The following CEP83 variants were observed in gnomAD, a reference collection of about 807,000 sequenced individuals.
The protein encoded by CEP83 is centrosomal protein 83.
A neutral mutation model predicts 101.9 loss-of-function variants in CEP83; 70 were observed. That is an observed-to-expected ratio of 0.69 (90% CI 0.57 to 0.84). The LOEUF is 0.84. Ranked by LOEUF, CEP83 falls within the 40% of genes least tolerant of loss-of-function variation. The probability of loss-of-function intolerance (pLI) is 0.00; values close to 1 mark genes in which losing one functional copy is unlikely to be tolerated. For missense variants in CEP83, 715 were observed against 787.2 expected, an observed-to-expected ratio of 0.91 and a Z score of 1.10; for synonymous variants, 264 against 267.9, an observed-to-expected ratio of 0.99 and a Z score of 0.14.
chr12:94,416,484 G>C (rs1033104140), intron 2 of CEP83, among the ~76,000 whole-genome samples: 1 of 150,020 alleles, frequency 6.7e-6, no homozygotes, highest in South Asian at 2.1e-4. Context: ...CTAGCCAAAG[G>C]AACAAAAAAG....
intron 11 of CEP83, among the ~76,000 whole-genome samples, chr12:94,346,128 CA>C (rs553368971): frequency 5.5e-4 from 83 of 152,248 alleles, no homozygotes; most frequent in African/African-American, 1.9e-3. Flanking sequence ...CGGCTCACTG[CA>C]ACCTCTGCCT....
intron 1 of CEP83, among the ~76,000 whole-genome samples, chr12:94,439,755 C>T (rs2066259863): frequency 6.6e-6 from 1 of 152,084 alleles, no homozygotes; most frequent in Admixed American, 6.6e-5. Flanking sequence ...AAACCACACA[C>T]CAATATCCCT....
At chr12:94,422,582 C>G (rs1191904786) in intron 2 of CEP83, among the ~76,000 whole-genome samples, 1 of 152,132 alleles carries the variant, frequency 6.6e-6, no homozygotes, top group Non-Finnish European at 1.5e-5. Context: ...ATAAAACAGT[C>G]CCATCACTCC....
In CEP83 at chr12:94,413,872, ACAT is replaced by A. The variant is rs988361120; in HGVS notation, c.-101-1284_-101-1282del. On this transcript the variant is annotated intron_variant, in intron 2 of 16. Coordinates refer to ENST00000397809, the MANE Select transcript of CEP83 (RefSeq NM_016122.3). ...CACACACACACACACACACATACAT[ACAT>A]ATTTTTTTCCTGATAGAATCTTCCT... Among the ~76,000 whole-genome samples, 19 of 151,044 alleles carry A rather than the reference ACAT, an allele frequency of 1.3e-4. 1 individual carries two copies. The South Asian group carries it at 2.5e-3, about 20-fold the overall frequency.
intron 1 of CEP83, among the ~76,000 whole-genome samples, chr12:94,454,024 G>A (rs1331989241): frequency 6.6e-6 from 1 of 151,720 alleles, no homozygotes; most frequent in Non-Finnish European, 1.5e-5. Context: ...TTGAACCCAG[G>A]AGGCAGAGGT....
At chr12:94,418,558 C>G (rs2064468974) in intron 2 of CEP83, among the ~76,000 whole-genome samples, 1 of 151,988 alleles carries the variant, frequency 6.6e-6, no homozygotes, top group Admixed American at 6.6e-5. Flanking sequence ...ACAAAAAATA[C>G]CTACCATTCC....
At chr12:94,282,274 A>G in the CEP83 span, 1 of 1,548,710 alleles carries the variant, frequency 6.5e-7, no homozygotes, top group Non-Finnish European at 8.9e-7. Context: ...ACTCTCTAAA[A>G]AGGAACAAAA....
chr12:94,347,068 TACAC>T (rs1555225269), intron 11 of CEP83, among the ~76,000 whole-genome samples: 3 of 147,416 alleles, frequency 2.0e-5, no homozygotes, highest in African/African-American at 7.4e-5. Flanking sequence ...TATATATATA[TACAC>T]ATACACACAC....
intron 7 of CEP83, among the ~76,000 whole-genome samples, chr12:94,377,440 A>G (rs1191671205): frequency 6.6e-6 from 1 of 152,206 alleles, no homozygotes. Flanking sequence ...GACAGTCAAA[A>G]AATAGTAAGT....
At chr12:94,356,009 G>A (rs1180412174) in intron 11 of CEP83, among the ~76,000 whole-genome samples, 2 of 152,108 alleles carry the variant, frequency 1.3e-5, no homozygotes, top group South Asian at 2.1e-4. Context: ...ATATTTCTGC[G>A]TGTGTGTCTT....
chr12:94,375,434 A>T (rs144173131), intron 8 of CEP83, among the ~76,000 whole-genome samples: 14 of 152,332 alleles, frequency 9.2e-5, no homozygotes, highest in African/African-American at 3.4e-4. Flanking sequence ...CAAAGTGAAC[A>T]GGAGGAAAAA....
chr12:94,341,808 A>G (rs975739509), intron 11 of CEP83, among the ~76,000 whole-genome samples: 4 of 152,220 alleles, frequency 2.6e-5, no homozygotes, highest in African/African-American at 9.6e-5. Flanking sequence ...CAAGTTCATT[A>G]TTGTGTTCAA....
chr12:94,374,291 C>T (rs555343017), intron 8 of CEP83, among the ~76,000 whole-genome samples: 9 of 152,254 alleles, frequency 5.9e-5, no homozygotes, highest in African/African-American at 2.2e-4. Context: ...AGAGAGAAGC[C>T]ACAGCAGAAG....
intron 11 of CEP83, chr12:94,335,875 G>A (rs2059426595): frequency 4.0e-6 from 2 of 499,000 alleles, no homozygotes; most frequent in African/African-American, 4.1e-5. Flanking sequence ...ACAAACTAGG[G>A]GCATAGAGAG....
chr12:94,324,895 C>T (rs2058901939), intron 14 of CEP83, among the ~76,000 whole-genome samples: 1 of 152,136 alleles, frequency 6.6e-6, no homozygotes, highest in African/African-American at 2.4e-5. Flanking sequence ...GTGTTCCTAC[C>T]TTAACTGAGA....
intron 8 of CEP83, among the ~76,000 whole-genome samples, chr12:94,373,063 C>G (rs2061374219): frequency 6.6e-6 from 1 of 152,074 alleles, no homozygotes; most frequent in African/African-American, 2.4e-5. Flanking sequence ...TCTTTCTGCC[C>G]CTAGATCCTT....
chr12:94,411,871 A>G (rs887131947), intron 3 of CEP83, 24 bp from the exon 4 acceptor site: 3 of 1,581,110 alleles, frequency 1.9e-6, no homozygotes, highest in Non-Finnish European at 2.6e-6. Flanking sequence ...AAGAGAATTC[A>G]ATTTTGAGTA....
downstream of CEP83, among the ~76,000 whole-genome samples, chr12:94,304,535 A>C (rs996621688): frequency 3.3e-5 from 5 of 152,186 alleles, no homozygotes; most frequent in African/African-American, 1.2e-4. Context: ...GGAAATTCAA[A>C]CAGACACATT....
At chr12:94,353,934 G>A (rs2060320329) in intron 11 of CEP83, among the ~76,000 whole-genome samples, 1 of 151,534 alleles carries the variant, frequency 6.6e-6, no homozygotes, top group African/African-American at 2.4e-5. Context: ...AATTCAGCAA[G>A]AGGATTAGCA....
Sources: allele counts gnomAD v4.1 joint callset (sites outside exome capture counted in the v4.1 genomes callset), GRCh38; gene constraint gnomAD v4.1.1; transcripts MANE v1.5; gene names NCBI Gene and HGNC (gene_info 2026-07-23, HGNC 2026-07-21).